The following TCF7L2 variants were observed in gnomAD, a reference collection of about 807,000 sequenced individuals.
TCF7L2 encodes the protein transcription factor 7-like 2.
Under a neutral mutation model 77.9 loss-of-function variants are expected in TCF7L2, and 23 were observed. The ratio of observed to expected loss-of-function variants is 0.30; its 90% confidence interval spans 0.21 to 0.42. The LOEUF (loss-of-function observed/expected upper bound fraction) is 0.42. TCF7L2 is among the 10% of genes least tolerant of loss of function. The pLI is 1.00. For missense variants in TCF7L2, 654 were observed against 793.1 expected, an observed-to-expected ratio of 0.82 and a Z score of 2.11; for synonymous variants, 413 against 340.2, an observed-to-expected ratio of 1.21 and a Z score of -2.36.
At chr10:113,073,890 A>G (rs1467726571) in intron 5 of TCF7L2, among the ~76,000 whole-genome samples, 3 of 152,182 alleles carry the variant, frequency 2.0e-5, no homozygotes, top group African/African-American at 7.2e-5. Flanking sequence ...CAGCGTCCAG[A>G]AAACAGACCA....
At chr10:113,088,929 C>T (rs113884280) in intron 5 of TCF7L2, among the ~76,000 whole-genome samples, 3,245 of 150,780 alleles carry the variant, frequency 0.022, 109 homozygotes, top group African/African-American at 0.074. Context: ...CATAGCAAGA[C>T]CCCATCTCTT....
chr10:112,999,703 A>G (rs750172877), intron 4 of TCF7L2, among the ~76,000 whole-genome samples: 45 of 152,184 alleles, frequency 3.0e-4, no homozygotes, highest in Non-Finnish European at 6.6e-4. Flanking sequence ...TGCTTCTAGA[A>G]CTTCCTGTTA....
rs1163170060 is a variant in TCF7L2, at chr10:113,166,685, T to C, written c.*713T>C. 4.3e-6 allele frequency: 1 copy of C among 230,858 alleles called. No homozygotes were observed. Among genetic ancestry groups the C allele is most frequent in the African/African-American group, 2.2e-5 (1 of 45,224 alleles). 14.3% of individuals were successfully genotyped at this position (230,858 alleles called of 1,614,324 possible). On this transcript the variant is annotated 3_prime_UTR_variant, in exon 14 of 14. Transcript: ENST00000627217. ...CCTGTATGTCGTCCCTTTTTAAATA[T>C]GTTTTCCTTTTTCTTGAAACTGTAT... is the stretch of plus-strand genomic sequence containing the variant.
intron 4 of TCF7L2, among the ~76,000 whole-genome samples, chr10:113,007,449 C>T (rs1441408414): frequency 6.6e-6 from 1 of 152,230 alleles, no homozygotes; most frequent in East Asian, 1.9e-4. Flanking sequence ...CTTCCCCTCA[C>T]CACACTCAAA....
intron 5 of TCF7L2, among the ~76,000 whole-genome samples, chr10:113,128,736 C>T (rs2066069705): frequency 6.6e-6 from 1 of 152,120 alleles, no homozygotes; most frequent in Non-Finnish European, 1.5e-5. Context: ...GTAATCCCTC[C>T]ATGAGCAGCC....
intron 5 of TCF7L2, among the ~76,000 whole-genome samples, chr10:113,137,564 G>C (rs906125992): frequency 6.6e-6 from 1 of 152,192 alleles, no homozygotes; most frequent in African/African-American, 2.4e-5. Flanking sequence ...TGCAATGCCA[G>C]TTGCCCCTAA....
At chr10:113,044,509 G>T (rs1387015159) in intron 5 of TCF7L2, among the ~76,000 whole-genome samples, 1 of 152,198 alleles carries the variant, frequency 6.6e-6, no homozygotes, top group African/African-American at 2.4e-5. Flanking sequence ...GCTCTGTGCT[G>T]CCTGCTGAGC....
At chr10:113,029,595 C>T (rs570472801) in intron 4 of TCF7L2, among the ~76,000 whole-genome samples, 20 of 147,582 alleles carry the variant, frequency 1.4e-4, no homozygotes, top group African/African-American at 4.0e-4. Flanking sequence ...GGCGTGATCT[C>T]GGCTCACTGC....
At chr10:113,135,174 A>T (rs983429772) in intron 5 of TCF7L2, among the ~76,000 whole-genome samples, 1 of 152,196 alleles carries the variant, frequency 6.6e-6, no homozygotes, top group African/African-American at 2.4e-5. Context: ...CCAAATGAGG[A>T]ACAGCGTCTG....
chr10:113,107,045 T>G (rs1338902367), intron 5 of TCF7L2, among the ~76,000 whole-genome samples: 1 of 152,168 alleles, frequency 6.6e-6, no homozygotes, highest in Non-Finnish European at 1.5e-5. Context: ...CCCTTAGCAC[T>G]CCCATGTCCT....
intron 11 of TCF7L2, among the ~76,000 whole-genome samples, chr10:113,155,750 T>C (rs2137284840): frequency 6.6e-6 from 1 of 152,344 alleles, no homozygotes; most frequent in East Asian, 1.9e-4. Flanking sequence ...GGCTCCTAAA[T>C]GAACCGAAAC....
chr10:113,013,120 T>G (rs2133671775), intron 4 of TCF7L2, among the ~76,000 whole-genome samples: 1 of 149,802 alleles, frequency 6.7e-6, no homozygotes, highest in South Asian at 2.2e-4. Flanking sequence ...AGTGGTTTTT[T>G]TTTTTTTTTT....
At chr10:113,134,810 C>G (rs2067157164) in intron 5 of TCF7L2, among the ~76,000 whole-genome samples, 1 of 152,112 alleles carries the variant, frequency 6.6e-6, no homozygotes, top group African/African-American at 2.4e-5. Flanking sequence ...AAGTGAAGAC[C>G]CCCAAAGACC....
intron 5 of TCF7L2, among the ~76,000 whole-genome samples, chr10:113,089,169 A>G (rs541276136): frequency 3.9e-5 from 6 of 152,248 alleles, no homozygotes; most frequent in African/African-American, 1.4e-4. Context: ...CACAACAGGA[A>G]GGCTGCCTGG....
At chr10:113,123,751 G>A (rs1421178835) in intron 5 of TCF7L2, among the ~76,000 whole-genome samples, 1 of 152,188 alleles carries the variant, frequency 6.6e-6, no homozygotes, top group Non-Finnish European at 1.5e-5. Flanking sequence ...GAGTGCTAGA[G>A]GAGAAGTCTT....
intron 4 of TCF7L2, among the ~76,000 whole-genome samples, chr10:112,993,720 G>A (rs1263175339): frequency 3.3e-5 from 5 of 152,092 alleles, no homozygotes; most frequent in African/African-American, 9.7e-5. Flanking sequence ...CTCTTGCCTC[G>A]CAAGCTGTCT....
chr10:113,091,911 G>A (rs1351165332), intron 5 of TCF7L2, among the ~76,000 whole-genome samples: 1 of 152,154 alleles, frequency 6.6e-6, no homozygotes. Flanking sequence ...GCCATGGCCT[G>A]GTAGAAGATC....
intron 5 of TCF7L2, among the ~76,000 whole-genome samples, chr10:113,111,323 T>C (rs2063104101): frequency 6.6e-6 from 1 of 152,164 alleles, no homozygotes; most frequent in Admixed American, 6.5e-5. Flanking sequence ...TTCACTGATA[T>C]ATCTATCTAT....
In TCF7L2 at chr10:113,065,853, G is replaced by A. The variant is rs571859592; in HGVS notation, c.552+25727G>A. Among the ~76,000 whole-genome samples the A allele has an allele frequency of 4.6e-5, 7 of 152,312 alleles. No homozygotes were observed. The East Asian group carries it at 1.3e-3, about 29-fold the overall frequency. Reference sequence around the variant, plus strand: ...AATTGCTTCTCAAACATGATATGTTGCTTTGCCCAATGCTTAGGAGGGAGT... The same window carrying A: ...AATTGCTTCTCAAACATGATATGTTACTTTGCCCAATGCTTAGGAGGGAGT... On this transcript the variant is annotated intron_variant, in intron 5 of 13. Transcript: ENST00000627217.
Sources: allele counts gnomAD v4.1 joint callset (sites outside exome capture counted in the v4.1 genomes callset), GRCh38; gene constraint gnomAD v4.1.1; transcripts MANE v1.5; gene names NCBI Gene and HGNC (gene_info 2026-07-23, HGNC 2026-07-21).